The following SLC39A12 variants were observed in gnomAD, a reference collection of about 807,000 sequenced individuals.
SLC39A12 encodes the protein zinc transporter ZIP12.
SLC39A12 carries 63 observed loss-of-function variants against 71.1 expected under a neutral mutation model. That is an observed-to-expected ratio of 0.89 (90% CI 0.72 to 1.09). The LOEUF is 1.09. SLC39A12 is among the 50% of genes least tolerant of loss of function. The pLI, the probability that SLC39A12 is intolerant of heterozygous loss-of-function variation, is 0.00. For synonymous variants in SLC39A12, 351 were observed against 301.3 expected, an observed-to-expected ratio of 1.16 and a Z score of -1.71; for missense variants, 892 against 812.6, an observed-to-expected ratio of 1.10 and a Z score of -1.19.
intron 6 of SLC39A12, among the ~76,000 whole-genome samples, chr10:17,983,920 G>A (rs1193321319): frequency 1.3e-5 from 2 of 152,274 alleles, no homozygotes; most frequent in East Asian, 3.9e-4. Context: ...TTGAAGGGAG[G>A]AAGACTCGGG....
At chr10:17,991,633 T>A (rs1176590747) in intron 8 of SLC39A12, among the ~76,000 whole-genome samples, 1 of 152,048 alleles carries the variant, frequency 6.6e-6, no homozygotes, top group African/African-American at 2.4e-5. Flanking sequence ...CCTAAACAAA[T>A]AAGCAAACAA....
rs142995301 is a variant in SLC39A12 at position 18,003,278 on chromosome 10, G to T, written c.1867G>T (p.Val623Leu). 5 of 1,613,994 alleles carry T rather than the reference G, an allele frequency of 3.1e-6. No individual in the cohort carries two copies. The highest frequency in any genetic ancestry group is 1.6e-4 in the Middle Eastern group (1 of 6,062). ...CATGGGATTATACATTGGCCTTTCCGTGTCAGCTGATCCATGTGTTCAAGA... is the reference window on the plus strand; with the variant it reads ...CATGGGATTATACATTGGCCTTTCCTTGTCAGCTGATCCATGTGTTCAAGA... ...AFMGLYIGLS[V>L]SADPCVQDWI... The change falls in exon 12 of 13, where the codon GTG becomes TTG. Residue 623 changes from valine to leucine, a missense_variant. Coordinates refer to ENST00000377369, the MANE Select transcript of SLC39A12 (RefSeq NM_001145195.2).
At chr10:17,958,221 A>G (rs891979070) in intron 2 of SLC39A12, among the ~76,000 whole-genome samples, 19 of 152,098 alleles carry the variant, frequency 1.2e-4, no homozygotes, top group Non-Finnish European at 1.5e-5. Context: ...CGCATCTCAG[A>G]TGGGTTGAAA....
At chr10:18,020,644 T>C (rs900512991) in intron 12 of SLC39A12, among the ~76,000 whole-genome samples, 3 of 152,158 alleles carry the variant, frequency 2.0e-5, no homozygotes, top group Non-Finnish European at 4.4e-5. Flanking sequence ...GTTTTTTAAC[T>C]TTTTAATAAT....
intron 4 of SLC39A12, among the ~76,000 whole-genome samples, chr10:17,969,098 A>G (rs142133060): frequency 2.2e-4 from 33 of 152,240 alleles, no homozygotes; most frequent in African/African-American, 7.9e-4. Context: ...AGTTTCATCC[A>G]TGTTGTTGCA....
In SLC39A12 at chr10:18,000,675, A is replaced by G. The variant is rs1835808710; in HGVS notation, c.1609A>G (p.Ile537Val). ...MTASNRKCKA[I>V]SLLAIMILVG... ...TTTATTTGGTTCCTTAGGTAAAGCC[A>G]TTAGCTTGTTAGCAATCATGATTCT... The change falls in exon 11 of 13, where the codon ATT becomes GTT. Residue 537 changes from isoleucine (I) to valine (V), a missense_variant. Ile to Val is a conservative substitution (Grantham distance 29, BLOSUM62 3). Transcript: ENST00000377369. 2 of 1,614,060 alleles carry G rather than the reference A, an allele frequency of 1.2e-6. No individual in the cohort carries two copies. Among genetic ancestry groups the G allele is most frequent in the East Asian group, 2.2e-5 (1 of 44,892 alleles).
At chr10:18,021,284 A>G (rs988841915) in intron 12 of SLC39A12, among the ~76,000 whole-genome samples, 14 of 151,794 alleles carry the variant, frequency 9.2e-5, no homozygotes, top group African/African-American at 2.9e-4. Context: ...GTAAGTGTAC[A>G]GTTTTATTTC....
rs1237054828 is a variant in SLC39A12, at chr10:18,036,791, TATA to T, written c.1948-5913_1948-5911del. Among the ~76,000 whole-genome samples, 150 of 28,146 alleles carry T rather than the reference TATA, an allele frequency of 5.3e-3. 4 individuals are homozygous for T. Among genetic ancestry groups the T allele is most frequent in the Non-Finnish European group, 7.5e-3 (106 of 14,056 alleles). The allele number at this position is 28,146 out of a possible 152,430, so 18.5% of individuals were successfully genotyped here. A position where few individuals can be genotyped will look rare whatever the true frequency, so the allele number is the denominator to read the frequency against. On this transcript the variant is annotated intron_variant, in intron 12 of 12. Coordinates refer to ENST00000377369, the MANE Select transcript of SLC39A12 (RefSeq NM_001145195.2). ...ATATATATATATATATATATATATA[TATA>T]TTTTTTTTTTTAATGGAATCTCACT...
At chr10:18,003,408 A>C (rs779884408) in intron 12 of SLC39A12, 50 bp downstream of exon 12, 2 of 1,503,484 alleles carry the variant, frequency 1.3e-6, no homozygotes, top group South Asian at 2.5e-5. Flanking sequence ...TGAAAATGTA[A>C]AACAGAGAAA....
Position 18,003,236 on chromosome 10 carries a change from A to G in SLC39A12, c.1825A>G (p.Ser609Gly). Reference protein sequence around the residue: ...MKTAILMNFISSLTAFMGLYI... With the variant: ...MKTAILMNFIGSLTAFMGLYI... Reference sequence around the variant, plus strand: ...GACTGCCATCCTGATGAATTTTATAAGCTCCCTAACTGCCTTCATGGGATT... The same window carrying G: ...GACTGCCATCCTGATGAATTTTATAGGCTCCCTAACTGCCTTCATGGGATT... Residue 609 changes from serine (S) to glycine (G), a missense_variant, in exon 12 of 13, where the codon AGC becomes GGC. By Grantham distance (56) the Ser-to-Gly change is moderately conservative. Coordinates refer to ENST00000377369, the MANE Select transcript of SLC39A12 (RefSeq NM_001145195.2). 7 of 1,614,132 alleles carry G rather than the reference A, an allele frequency of 4.3e-6. No individual in the cohort carries two copies. Among genetic ancestry groups the G allele is most frequent in the Non-Finnish European group, 5.1e-6 (6 of 1,180,006 alleles).
At position 18,015,054 on chromosome 10, in the gene SLC39A12, A is replaced by G. The variant is rs542374229; in HGVS notation, c.1947+11696A>G. On this transcript the variant is annotated intron_variant, in intron 12 of 12. Transcript: ENST00000377369. ...AGTTCATGCACTTTTTGGATTTGTAAAGGCCAAACGGTCTTCCTAATTTAT... is the reference window on the plus strand; with the variant it reads ...AGTTCATGCACTTTTTGGATTTGTAGAGGCCAAACGGTCTTCCTAATTTAT... Among the ~76,000 whole-genome samples, 3 of 152,302 alleles carry G rather than the reference A, an allele frequency of 2.0e-5. No homozygotes were observed. In the South Asian group the frequency reaches 6.2e-4, roughly 32 times the overall value.
chr10:17,967,092 T>C (rs911784372), intron 4 of SLC39A12, among the ~76,000 whole-genome samples: 7 of 152,242 alleles, frequency 4.6e-5, no homozygotes, highest in Admixed American at 1.3e-4. Flanking sequence ...AAGTTTCTTT[T>C]ATACGTGTCA....
intron 4 of SLC39A12, among the ~76,000 whole-genome samples, chr10:17,973,649 CT>C (rs1011941438): frequency 1.3e-5 from 2 of 152,052 alleles, no homozygotes; most frequent in African/African-American, 4.8e-5. Context: ...TCTCCTCCTG[CT>C]TTTAGGATCC....
rs1837295268 is a variant in SLC39A12, at chr10:18,042,778, T to G, written c.2021T>G (p.Leu674Arg). The stretch of plus-strand genomic sequence containing the variant: ...CTCCTGCAAAACTTTGGATTGATCC[T>G]AGGTTGGCTTTCTCTCCTGCTCTTG... ...MFLLQNFGLI[L>R]GWLSLLLLAI... is the part of the protein sequence containing the mutation. The change falls in exon 13 of 13, where the codon CTA (leucine) becomes CGA (arginine). Residue 674 changes from leucine to arginine, a missense_variant. Leu to Arg is a moderately radical substitution (Grantham distance 102). Coordinates refer to ENST00000377369, the MANE Select transcript of SLC39A12 (RefSeq NM_001145195.2). 1 of 1,613,428 alleles carries G rather than the reference T, an allele frequency of 6.2e-7. No homozygotes were observed. Among genetic ancestry groups the G allele is most frequent in the African/African-American group, 1.3e-5 (1 of 74,906 alleles).
intron 5 of SLC39A12, among the ~76,000 whole-genome samples, chr10:17,978,841 T>C (rs1434412516): frequency 6.6e-6 from 1 of 152,206 alleles, no homozygotes. Flanking sequence ...GCCTATATTA[T>C]TAGGTTGATC....
At position 18,000,755 on chromosome 10, in the gene SLC39A12, C is replaced by A. The variant is rs1220498396; in HGVS notation, c.1689C>A (p.Phe563Leu). Residue 563 changes from phenylalanine to leucine, a missense_variant, in exon 11 of 13, where the codon TTC (phenylalanine) becomes TTA (leucine). Coordinates refer to ENST00000377369, the MANE Select transcript of SLC39A12 (RefSeq NM_001145195.2). ...FADGLAIGAA[F>L]SSSSESGVTT... ...ATGGCCTAGCCATAGGAGCAGCCTT[C>A]TCATCATCATCCGAGTCAGGAGTGA... The A allele has an allele frequency of 8.1e-6, 13 of 1,614,070 alleles. No individual in the cohort carries two copies. Among genetic ancestry groups the A allele is most frequent in the Non-Finnish European group, 1.1e-5 (13 of 1,180,024 alleles).
chr10:17,955,315 G>T (rs1361256093), intron 2 of SLC39A12, among the ~76,000 whole-genome samples: 1 of 151,344 alleles, frequency 6.6e-6, no homozygotes, highest in African/African-American at 2.5e-5. Flanking sequence ...ATCTTAAATA[G>T]CTTCACCCTC....
chr10:17,988,576 C>G (rs969914311), intron 7 of SLC39A12, among the ~76,000 whole-genome samples: 1 of 152,176 alleles, frequency 6.6e-6, no homozygotes, highest in Non-Finnish European at 1.5e-5. Flanking sequence ...TATAGCAACA[C>G]AAAAATGGCC....
intron 12 of SLC39A12, among the ~76,000 whole-genome samples, chr10:18,040,225 G>C (rs1837182283): frequency 6.6e-6 from 1 of 152,104 alleles, no homozygotes; most frequent in Non-Finnish European, 1.5e-5. Flanking sequence ...TGATGAATCA[G>C]ATAAGATTTT....
Sources: gnomAD v4.1 joint callset for allele counts (sites outside exome capture counted in the v4.1 genomes callset) on GRCh38, gnomAD v4.1.1 for gene constraint, MANE v1.5 for transcripts, NCBI Gene and HGNC (gene_info 2026-07-23, HGNC 2026-07-21) for gene names.